The following PTPRA variants were observed in gnomAD, a reference collection of about 807,000 sequenced individuals.
PTPRA encodes receptor-type tyrosine-protein phosphatase alpha.
A neutral mutation model predicts 104.8 loss-of-function variants in PTPRA; 25 were observed. The ratio of observed to expected loss-of-function variants is 0.24; its 90% CI spans 0.17 to 0.33. The LOEUF (loss-of-function observed/expected upper bound fraction) is 0.33. Ranked by LOEUF, PTPRA falls within the 10% of genes least tolerant of loss-of-function variation. The probability of loss-of-function intolerance (pLI) is 1.00; values close to 1 mark genes in which losing one functional copy is unlikely to be tolerated. For missense variants in PTPRA, 765 were observed against 1,015.3 expected (o/e 0.75, Z 3.35); for synonymous variants, 323 against 368.9 (o/e 0.88, Z 1.43).
chr20:2,914,059 A>G (rs571981387), intron 1 of PTPRA, among the ~76,000 whole-genome samples: 3 of 152,288 alleles, frequency 2.0e-5, no homozygotes, highest in Admixed American at 6.5e-5. Context: ...ATTTTATTCA[A>G]TAAGTTATCT....
At position 3,035,811 on chromosome 20, in the gene PTPRA, C is replaced by G. The variant is rs768705459; in HGVS notation, c.2068C>G (p.Arg690Gly). The G allele has an allele frequency of 6.2e-7, 1 of 1,614,178 alleles. No individual in the cohort carries two copies. Among genetic ancestry groups the G allele is most frequent in the Admixed American group, 1.7e-5 (1 of 60,024 alleles). ...NTRENKSRQI[R>G]QFHFHGWPEV... ...AAAGGAGAATAAGAGCCGGCAGATCCGGCAGTTCCACTTCCATGGCTGGCC... is the reference window on the plus strand; with the variant it reads ...AAAGGAGAATAAGAGCCGGCAGATCGGGCAGTTCCACTTCCATGGCTGGCC... The change falls in exon 22 of 24, where the codon CGG becomes GGG. Residue 690 changes from arginine (R) to glycine (G), a missense_variant. Coordinates refer to ENST00000399903, the MANE Select transcript of PTPRA (RefSeq NM_001385305.1). The surrounding 1 kb of genome is among the most constrained non-coding windows in gnomAD (Gnocchi z 5.8).
chr20:3,004,154 G>T (rs1600239069), intron 9 of PTPRA, among the ~76,000 whole-genome samples: 1 of 152,078 alleles, frequency 6.6e-6, no homozygotes, highest in African/African-American at 2.4e-5. Flanking sequence ...AGTAGCTGGG[G>T]TTACAGGTGT....
chr20:2,988,613 T>C (rs2148147948), intron 9 of PTPRA, 139 bp downstream of exon 9: 1 of 1,249,364 alleles, frequency 8.0e-7, no homozygotes, highest in East Asian at 2.8e-5. Context: ...CAAGTTTATC[T>C]GACTCCCTGT....
At chr20:2,993,841 A>G (rs1296394723) in intron 9 of PTPRA, among the ~76,000 whole-genome samples, 1 of 152,204 alleles carries the variant, frequency 6.6e-6, no homozygotes, top group Non-Finnish European at 1.5e-5. Flanking sequence ...TCAAGGTGGC[A>G]CAGAGGGAGG....
chr20:2,910,592 T>TTTTTTTTTTTTTTTTTTTA (rs2059679968), intron 1 of PTPRA, among the ~76,000 whole-genome samples: 3 of 126,952 alleles, frequency 2.4e-5, no homozygotes, highest in East Asian at 2.3e-4. Flanking sequence ...TTTTTTTGTT[T>TTTTTTTTTTTTTTTTTTTA]TTTTTTTGTT....
At chr20:2,987,973 T>G in intron 7 of PTPRA, 59 bp from the exon 8 acceptor site, 10 of 1,388,710 alleles carry the variant, frequency 7.2e-6, no homozygotes, top group Non-Finnish European at 1.0e-5. Context: ...AATACAGAGG[T>G]GTGATTTGCC....
chr20:2,903,263 G>C (rs1213016134), intron 1 of PTPRA, among the ~76,000 whole-genome samples: 1 of 152,210 alleles, frequency 6.6e-6, no homozygotes, highest in African/African-American at 2.4e-5. Context: ...TTTTGGATAA[G>C]GGATACTCAA....
chr20:2,893,557 A>G, intron 1 of PTPRA, among the ~76,000 whole-genome samples: 1 of 152,302 alleles, frequency 6.6e-6, no homozygotes, highest in East Asian at 1.9e-4. Flanking sequence ...TATCATATAT[A>G]TCATATATTT....
chr20:3,026,869 T>G, intron 18 of PTPRA, 89 bp downstream of exon 18: 2 of 1,181,654 alleles, frequency 1.7e-6, no homozygotes, highest in Admixed American at 3.6e-5. Context: ...AGTTAATGAT[T>G]GGCGTATAGA....
chr20:2,935,677 C>T (rs774487513), intron 2 of PTPRA, among the ~76,000 whole-genome samples: 2 of 152,124 alleles, frequency 1.3e-5, no homozygotes, highest in Admixed American at 1.3e-4. Flanking sequence ...ACTTCAGCTT[C>T]GCTACTACAG....
chr20:2,880,884 C>T (rs1267269460), intron 1 of PTPRA, among the ~76,000 whole-genome samples: 1 of 152,024 alleles, frequency 6.6e-6, no homozygotes, highest in African/African-American at 2.4e-5. Flanking sequence ...TGTCACGTGC[C>T]TGTAGTCCCA....
chr20:3,017,949 T>C (rs1313846251), intron 13 of PTPRA, 36 bp downstream of exon 13: 1 of 1,537,922 alleles, frequency 6.5e-7, no homozygotes, highest in Non-Finnish European at 9.0e-7. Context: ...AGCAGAAGGA[T>C]CACTCTGCAT....
Position 2,965,128 on chromosome 20 carries a change from C to G in PTPRA, c.341C>G (p.Thr114Arg). ...NGTWLPDNQFTDARTEPWEGN... is the reference protein window; with the variant it reads ...NGTWLPDNQFRDARTEPWEGN... ...ACGTGGCTTCCAGATAACCAGTTCA[C>G]GGATGCCAGAACAGAACCCTGGGAG... is the stretch of plus-strand genomic sequence containing the variant. The change falls in exon 5 of 24, where the codon ACG becomes AGG. Residue 114 changes from threonine (T) to arginine (R), a missense_variant. Around this residue, in one of 4 missense-constraint regions of PTPRA, gnomAD observed 256 missense variants for 248.9 expected, o/e 1.03. Transcript: ENST00000399903. 1 of 1,614,162 alleles carries G rather than the reference C, an allele frequency of 6.2e-7. No homozygotes were observed. The highest frequency in any genetic ancestry group is 8.5e-7 in the Non-Finnish European group (1 of 1,180,016).
At chr20:2,974,195 C>A (rs1488316737) in intron 5 of PTPRA, among the ~76,000 whole-genome samples, 1 of 151,842 alleles carries the variant, frequency 6.6e-6, no homozygotes, top group Admixed American at 6.6e-5. Context: ...ACTTTGTGAT[C>A]TGCCCACTTC....
chr20:3,016,683 T>C (rs1600258435), intron 12 of PTPRA, among the ~76,000 whole-genome samples: 1 of 152,214 alleles, frequency 6.6e-6, no homozygotes, highest in Admixed American at 6.5e-5. Context: ...GAGGTTGCAG[T>C]GAGCTGAGAT....
Position 2,964,291 on chromosome 20 carries a change from T to A in PTPRA, c.14T>A (p.Phe5Tyr). The stretch of plus-strand genomic sequence containing the variant: ...TTCCAGATAAGCATGGATTCCTGGT[T>A]CATTCTTGTTCTGCTCGGCAGTGGT... MDSW[F>Y]ILVLLGSGLI... The change falls in exon 4 of 24, where the codon TTC (phenylalanine) becomes TAC (tyrosine). Residue 5 changes from phenylalanine (F) to tyrosine (Y), a missense_variant. Physicochemically the swap from Phe to Tyr is conservative, Grantham distance 22 (BLOSUM62 3). This residue lies in a region of PTPRA where 256 missense variants were observed against 248.9 expected (regional missense o/e 1.03). Transcript: ENST00000399903. The A allele has an allele frequency of 1.2e-6, 2 of 1,610,632 alleles. No homozygotes were observed. The highest frequency in any genetic ancestry group is 1.7e-6 in the Non-Finnish European group (2 of 1,178,624).
At chr20:2,972,499 CA>C (rs1407122476) in intron 5 of PTPRA, among the ~76,000 whole-genome samples, 1 of 152,216 alleles carries the variant, frequency 6.6e-6, no homozygotes, top group Non-Finnish European at 1.5e-5. Flanking sequence ...CAAGGCCGCC[CA>C]AACATATTGT....
chr20:2,963,486 C>T (rs1221680578), intron 3 of PTPRA, among the ~76,000 whole-genome samples: 5 of 151,954 alleles, frequency 3.3e-5, no homozygotes, highest in East Asian at 1.9e-4. Flanking sequence ...CTCAGCTACT[C>T]GGGAGGCTGA....
chr20:2,910,501 T>A (rs1202890217), intron 1 of PTPRA, among the ~76,000 whole-genome samples: 1 of 105,886 alleles, frequency 9.4e-6, no homozygotes, highest in Non-Finnish European at 1.9e-5. Flanking sequence ...TTTTTTTTTT[T>A]AGACTGGATC....
Sources: allele counts gnomAD v4.1 joint callset (sites outside exome capture counted in the v4.1 genomes callset), GRCh38; gene constraint gnomAD v4.1.1; regional missense constraint gnomAD v4.1.1; non-coding constraint Gnocchi (gnomAD v3.1); transcripts MANE v1.5; gene names NCBI Gene and HGNC (gene_info 2026-07-23, HGNC 2026-07-21).